ZNF362: variants seen among roughly 807,000 people sequenced by gnomAD.
ZNF362 encodes zinc finger protein 362.
Under a neutral mutation model 42.9 loss-of-function variants are expected in ZNF362, and 11 were observed. The ratio of observed to expected loss-of-function variants is 0.26; its 90% confidence interval spans 0.16 to 0.42. ZNF362 has a LOEUF of 0.42. Ranked by LOEUF, ZNF362 falls within the 20% of genes least tolerant of loss-of-function variation. The pLI is 1.00. For synonymous variants in ZNF362, 255 were observed against 257.3 expected, an observed-to-expected ratio of 0.99 and a Z score of 0.09; for missense variants, 362 against 576.2, an observed-to-expected ratio of 0.63 and a Z score of 3.81.
At chr1:33,251,201 T>TC in the ZNF362 span, among the ~76,000 whole-genome samples, 3 of 152,080 alleles carry the variant, frequency 2.0e-5, no homozygotes, top group African/African-American at 7.2e-5. Flanking sequence ...AGGGTCAAGG[T>TC]CCCATGGTGA....
chr1:33,238,273 C>T, the ZNF362 span, among the ~76,000 whole-genome samples: 7 of 149,718 alleles, frequency 4.7e-5, no homozygotes, highest in South Asian at 1.3e-3. Flanking sequence ...GAGCTGAGAT[C>T]GCACCACTGC....
At chr1:33,275,383 GC>G in intron 2 of ZNF362, 1 of 985,534 alleles carries the variant, frequency 1.0e-6, no homozygotes. Context: ...GCCGCAGACT[GC>G]CCTAGCTTCA....
chr1:33,176,602 C>T, the ZNF362 span: 1 of 520,128 alleles, frequency 1.9e-6, no homozygotes, highest in African/African-American at 1.9e-5. Context: ...ACGTCCCAAC[C>T]ACCTGCCCTC....
At chr1:33,267,168 C>T (rs1464616273) in intron 1 of ZNF362, among the ~76,000 whole-genome samples, 1 of 152,096 alleles carries the variant, frequency 6.6e-6, no homozygotes, top group African/African-American at 2.4e-5. Flanking sequence ...TTTGGGGTGT[C>T]TTGCTTTGTC....
chr1:33,130,711 A>C, the ZNF362 span, among the ~76,000 whole-genome samples: 1 of 152,212 alleles, frequency 6.6e-6, no homozygotes, highest in Non-Finnish European at 1.5e-5. Context: ...AGTTTTACCT[A>C]ATTTTAAGGT....
At chr1:33,233,062 C>T in the ZNF362 span, among the ~76,000 whole-genome samples, 3 of 152,228 alleles carry the variant, frequency 2.0e-5, no homozygotes, top group African/African-American at 7.2e-5. Context: ...CACTGAGACT[C>T]AGTTGCCCAT....
At chr1:33,246,654 T>C in the ZNF362 span, among the ~76,000 whole-genome samples, 1 of 152,248 alleles carries the variant, frequency 6.6e-6, no homozygotes, top group East Asian at 1.9e-4. Context: ...TGGTGATTTA[T>C]GCCATTGCTT....
chr1:33,196,811 A>G, the ZNF362 span, among the ~76,000 whole-genome samples: 1 of 152,202 alleles, frequency 6.6e-6, no homozygotes, highest in Non-Finnish European at 1.5e-5. Context: ...CAAACATGTG[A>G]GTAATATATT....
At chr1:33,207,983 G>T in the ZNF362 span, among the ~76,000 whole-genome samples, 1 of 152,188 alleles carries the variant, frequency 6.6e-6, no homozygotes, top group Non-Finnish European at 1.5e-5. Flanking sequence ...GGCTTTTGTT[G>T]CCATTGCTTT....
intron 2 of ZNF362, among the ~76,000 whole-genome samples, chr1:33,272,447 C>T (rs780783466): frequency 1.9e-4 from 29 of 150,364 alleles, no homozygotes; most frequent in Non-Finnish European, 1.2e-4. Context: ...ATCAGCAGGC[C>T]GTTTTCTGGA....
chr1:33,195,244 A>G, the ZNF362 span: 2 of 152,226 alleles, frequency 1.3e-5, no homozygotes, highest in Non-Finnish European at 2.9e-5. Context: ...CTGAGGTTTA[A>G]CTAATCTCAG....
chr1:33,270,691 C>T (rs1645896210), intron 2 of ZNF362, 79 bp downstream of exon 2: 1 of 1,572,274 alleles, frequency 6.4e-7, no homozygotes, highest in Non-Finnish European at 8.6e-7. Flanking sequence ...GTGTTCGTCC[C>T]ACCTTCCCTG....
the ZNF362 span, among the ~76,000 whole-genome samples, chr1:33,230,837 A>T: frequency 0.026 from 3,960 of 152,282 alleles, 173 homozygotes; most frequent in African/African-American, 0.09. Flanking sequence ...GAAGGCCAGC[A>T]CTCTGAAAGA....
chr1:33,250,544 C>T, the ZNF362 span, among the ~76,000 whole-genome samples: 391 of 152,120 alleles, frequency 2.6e-3, 1 homozygote, highest in Non-Finnish European at 4.1e-3. Context: ...AATGAGAATA[C>T]GTGGACACGT....
chr1:33,195,771 G>A, the ZNF362 span: 1 of 152,062 alleles, frequency 6.6e-6, no homozygotes, highest in Non-Finnish European at 1.5e-5. Context: ...GGTGGTGAGT[G>A]AATGTGAAGT....
intron 4 of ZNF362, among the ~76,000 whole-genome samples, chr1:33,278,261 ATG>A (rs2148102018): frequency 6.6e-6 from 1 of 152,096 alleles, no homozygotes; most frequent in African/African-American, 2.4e-5. Flanking sequence ...TTCAATGTTC[ATG>A]TGTGTTTTGC....
At chr1:33,273,615 C>T (rs1213096147) in intron 2 of ZNF362, among the ~76,000 whole-genome samples, 1 of 152,194 alleles carries the variant, frequency 6.6e-6, no homozygotes, top group African/African-American at 2.4e-5. Flanking sequence ...CCCCATTTTA[C>T]AGAGGAGGAA....
chr1:33,168,387 CT>C, the ZNF362 span, among the ~76,000 whole-genome samples: 5 of 150,580 alleles, frequency 3.3e-5, no homozygotes, highest in Middle Eastern at 3.4e-3. Context: ...CTGAGAAAAA[CT>C]TTTTTTTTTA....
At chr1:33,271,080 C>T (rs893365076) in intron 2 of ZNF362, among the ~76,000 whole-genome samples, 2 of 152,302 alleles carry the variant, frequency 1.3e-5, no homozygotes, top group Admixed American at 6.5e-5. Flanking sequence ...TTCTCCTGTC[C>T]TTTCTAGTCC....
Sources: gnomAD v4.1 joint callset for allele counts (sites outside exome capture counted in the v4.1 genomes callset) on GRCh38, gnomAD v4.1.1 for gene constraint, MANE v1.5 for transcripts, NCBI Gene and HGNC (gene_info 2026-07-23, HGNC 2026-07-21) for gene names.